The following SPRED1 variants were observed in gnomAD, a reference collection of about 807,000 sequenced individuals.
SPRED1 encodes the protein sprouty related EVH1 domain containing 1.
A neutral mutation model predicts 52.3 loss-of-function variants in SPRED1; 18 were observed. The ratio of observed to expected loss-of-function variants is 0.34; its 90% CI spans 0.24 to 0.51. The LOEUF is 0.51. SPRED1 is among the 20% of genes least tolerant of loss of function. The probability of loss-of-function intolerance (pLI) is 0.97; values close to 1 mark genes in which losing one functional copy is unlikely to be tolerated. For synonymous variants in SPRED1, 155 were observed against 179.7 expected, an observed-to-expected ratio of 0.86 and a Z score of 1.10; for missense variants, 485 against 551.0, an observed-to-expected ratio of 0.88 and a Z score of 1.20.
At position 38,279,104 on chromosome 15, in the gene SPRED1, G is replaced by A. The variant is rs542506096; in HGVS notation, c.33-20269G>A. On this transcript the variant is annotated intron_variant, in intron 1 of 6. Transcript: ENST00000299084. ...GCCTCCCAAAGTGTTGGGATTACAG[G>A]CGTGAGCCACCATGCCCAGCCTCCT... Among the ~76,000 whole-genome samples, 329 of 152,278 alleles carry A rather than the reference G, an allele frequency of 2.2e-3. 1 individual carries two copies. The highest frequency in any genetic ancestry group is 3.4e-3 in the Admixed American group (52 of 15,298).
In SPRED1 at chr15:38,252,903, C is replaced by T; in HGVS notation, c.-283C>T. ...AGCCTTTGCAGCCCCTCTCTTTTTCCCTTTCCACCGGGCCTCCTCGGATCC... is the reference window on the plus strand; with the variant it reads ...AGCCTTTGCAGCCCCTCTCTTTTTCTCTTTCCACCGGGCCTCCTCGGATCC... On this transcript the variant is annotated 5_prime_UTR_variant, in exon 1 of 7. Transcript: ENST00000299084. 1.8e-6 allele frequency: 1 copy of T among 546,692 alleles called. No individual in the cohort carries two copies. The highest frequency in any genetic ancestry group is 3.3e-6 in the Non-Finnish European group (1 of 304,074). The allele number at this position is 546,692 out of a possible 1,614,324, so 33.9% of individuals were successfully genotyped here. A position where few individuals can be genotyped will look rare whatever the true frequency, so the allele number is the denominator to read the frequency against.
chr15:38,312,905 A>C (rs1020941653), intron 2 of SPRED1, among the ~76,000 whole-genome samples: 13 of 151,738 alleles, frequency 8.6e-5, no homozygotes, highest in African/African-American at 3.1e-4. Context: ...TGGTCTTTGC[A>C]AATAATCAGC....
chr15:38,271,363 A>G (rs1441544650), intron 1 of SPRED1, among the ~76,000 whole-genome samples: 1 of 152,230 alleles, frequency 6.6e-6, no homozygotes, highest in Non-Finnish European at 1.5e-5. Context: ...AGCCAAACAG[A>G]TGGAGATCAG....
intron 1 of SPRED1, among the ~76,000 whole-genome samples, chr15:38,274,184 A>C (rs1406009073): frequency 3.3e-5 from 5 of 152,302 alleles, no homozygotes; most frequent in Admixed American, 6.5e-5. Context: ...TTTTAGAAAA[A>C]GTTTTTCCCT....
intron 1 of SPRED1, among the ~76,000 whole-genome samples, chr15:38,282,295 T>A (rs1894706849): frequency 6.7e-6 from 1 of 149,050 alleles, no homozygotes. Context: ...GCCAACATCC[T>A]GAAACCCCAT....
At chr15:38,289,805 C>A (rs1024688936) in intron 1 of SPRED1, among the ~76,000 whole-genome samples, 2 of 152,168 alleles carry the variant, frequency 1.3e-5, no homozygotes, top group African/African-American at 2.4e-5. Context: ...GAAAGGAACG[C>A]AGCACTGCCA....
intron 1 of SPRED1, among the ~76,000 whole-genome samples, chr15:38,295,009 C>A (rs1595730967): frequency 6.6e-6 from 1 of 152,224 alleles, no homozygotes; most frequent in Middle Eastern, 3.4e-3. Context: ...ATTTTGGATT[C>A]ATCGAGGTAA....
intron 4 of SPRED1, among the ~76,000 whole-genome samples, chr15:38,339,012 A>T (rs1021256379): frequency 1.1e-4 from 17 of 152,052 alleles, no homozygotes; most frequent in African/African-American, 4.1e-4. Flanking sequence ...CTTTTTTCTT[A>T]AATAATTATA....
At chr15:38,255,281 T>A (rs1401025061) in intron 1 of SPRED1, among the ~76,000 whole-genome samples, 2 of 151,992 alleles carry the variant, frequency 1.3e-5, no homozygotes, top group East Asian at 3.9e-4. Flanking sequence ...CTTTAAATAT[T>A]TTTTTTTCAT....
chr15:38,292,825 G>C (rs1447629444), intron 1 of SPRED1, among the ~76,000 whole-genome samples: 1 of 152,120 alleles, frequency 6.6e-6, no homozygotes, highest in Non-Finnish European at 1.5e-5. Context: ...AGAGGGAGCT[G>C]TCACCTTGGT....
At position 38,319,971 on chromosome 15, in the gene SPRED1, A is replaced by T. The variant is rs114284309; in HGVS notation, c.208-2270A>T. Among the ~76,000 whole-genome samples the T allele has an allele frequency of 6.1e-3, 933 of 152,286 alleles. 10 individuals are homozygous for T. Among genetic ancestry groups the T allele is most frequent in the African/African-American group, 0.021 (871 of 41,554 alleles). ...ATCATTGCATATAGCATTGGGAAGA[A>T]ATGAGCAGCAGTGTGGCATTATATA... On this transcript the variant is annotated intron_variant, in intron 2 of 6. Coordinates refer to ENST00000299084, the MANE Select transcript of SPRED1 (RefSeq NM_152594.3).
chr15:38,328,952 G>A (rs998930319), intron 4 of SPRED1, among the ~76,000 whole-genome samples: 7 of 152,174 alleles, frequency 4.6e-5, no homozygotes, highest in Non-Finnish European at 1.0e-4. Flanking sequence ...CTGGGCTCAA[G>A]TGATCCACCC....
At chr15:38,310,006 A>G (rs990134471) in intron 2 of SPRED1, among the ~76,000 whole-genome samples, 1 of 152,162 alleles carries the variant, frequency 6.6e-6, no homozygotes, top group Non-Finnish European at 1.5e-5. Flanking sequence ...ACAGAGTAGA[A>G]TGATTCCTAA....
intron 1 of SPRED1, among the ~76,000 whole-genome samples, chr15:38,280,509 A>G (rs2140964116): frequency 1.1e-5 from 1 of 95,104 alleles, no homozygotes; most frequent in South Asian, 4.7e-4. Flanking sequence ...TCTTTGCGTT[A>G]GATTTTTAAA....
Position 38,353,912 on chromosome 15 carries a change from T to C in SPRED1, c.*2248T>C, listed in dbSNP as rs1249805286. 6.6e-6 allele frequency: 1 copy of C among 152,630 alleles called. No individual in the cohort carries two copies. Among genetic ancestry groups the C allele is most frequent in the Admixed American group, 6.5e-5 (1 of 15,286 alleles). The allele number at this position is 152,630 out of a possible 1,614,324, so 9.5% of individuals were successfully genotyped here. On this transcript the variant is annotated 3_prime_UTR_variant, in exon 7 of 7. Coordinates refer to ENST00000299084, the MANE Select transcript of SPRED1 (RefSeq NM_152594.3). ...TGTACTGTATTTTATATGCAACATATATGCTTTAATATTTTAATGTTTGTG... is the reference window on the plus strand; with the variant it reads ...TGTACTGTATTTTATATGCAACATACATGCTTTAATATTTTAATGTTTGTG...
chr15:38,302,127 A>G (rs779393482), intron 2 of SPRED1, among the ~76,000 whole-genome samples: 1 of 152,114 alleles, frequency 6.6e-6, no homozygotes, highest in Non-Finnish European at 1.5e-5. Context: ...CTCATATCCC[A>G]TGAATTCATG....
chr15:38,274,467 T>C (rs1184368803), intron 1 of SPRED1, among the ~76,000 whole-genome samples: 1 of 152,244 alleles, frequency 6.6e-6, no homozygotes, highest in African/African-American at 2.4e-5. Flanking sequence ...TGAAACTACA[T>C]ATATATTTAT....
intron 1 of SPRED1, among the ~76,000 whole-genome samples, chr15:38,289,418 T>C (rs1248810886): frequency 6.6e-6 from 1 of 152,134 alleles, no homozygotes; most frequent in Non-Finnish European, 1.5e-5. Context: ...CCTTTTTTTT[T>C]TTTCCTGTTA....
At chr15:38,325,845 C>T (rs1361666090) in intron 4 of SPRED1, 1 of 152,124 alleles carries the variant, frequency 6.6e-6, no homozygotes. Flanking sequence ...CCAAAACCAT[C>T]TAGTTAAGCT....
Sources: allele counts gnomAD v4.1 joint callset (sites outside exome capture counted in the v4.1 genomes callset), GRCh38; gene constraint gnomAD v4.1.1; transcripts MANE v1.5; gene names NCBI Gene and HGNC (gene_info 2026-07-23, HGNC 2026-07-21).